Variants in DMRT1 observed in about 807,000 individuals in gnomAD.
The protein encoded by DMRT1 is doublesex and mab-3 related transcription factor 1, also known as doublesex- and mab-3-related transcription factor 1.
In DMRT1, 7 loss-of-function variants were observed where a neutral mutation model predicts 32.3. That is an observed-to-expected ratio of 0.22 (90% confidence interval 0.12 to 0.41). The LOEUF (loss-of-function observed/expected upper bound fraction) is 0.41. Ranked by LOEUF, DMRT1 falls within the 10% of genes least tolerant of loss-of-function variation. The pLI is 1.00. For synonymous variants in DMRT1, 278 were observed against 206.1 expected (o/e 1.35, Z -2.99); for missense variants, 625 against 500.5 (o/e 1.25, Z -2.37).
At chr9:873,644 T>G (rs1163768887) in intron 2 of DMRT1, among the ~76,000 whole-genome samples, 1 of 152,230 alleles carries the variant, frequency 6.6e-6, no homozygotes, top group East Asian at 1.9e-4. Flanking sequence ...TGTTCTTAGG[T>G]TATCGCTAGG....
rs892845295 is a variant in DMRT1, at chr9:842,031, G to A, written c.193G>A (p.Ala65Thr). The A allele has an allele frequency of 2.6e-6, 4 of 1,547,756 alleles. No homozygotes were observed. Among genetic ancestry groups the A allele is most frequent in the Admixed American group, 1.9e-5 (1 of 51,418 alleles). Residue 65 changes from alanine to threonine, a missense_variant, in exon 1 of 5, where the codon GCC (alanine) becomes ACC (threonine). Physicochemically the swap from Ala to Thr is moderately conservative, Grantham distance 58 (BLOSUM62 0). Coordinates refer to ENST00000382276, the MANE Select transcript of DMRT1 (RefSeq NM_021951.3). Reference sequence around the variant, plus strand: ...CGGCTCCGGGGCGTCGGACCTGGGTGCCGGGAGCAAGAAGTCCCCGCGGCT... The same window carrying A: ...CGGCTCCGGGGCGTCGGACCTGGGTACCGGGAGCAAGAAGTCCCCGCGGCT... ...GSGSGASDLG[A>T]GSKKSPRLPK...
intron 2 of DMRT1, among the ~76,000 whole-genome samples, chr9:882,234 A>G (rs538697103): frequency 3.5e-4 from 54 of 152,234 alleles, no homozygotes; most frequent in African/African-American, 1.3e-3. Context: ...TTCAGGCCCA[A>G]TTAAGTTTCT....
chr9:862,220 C>G (rs1486827721), intron 2 of DMRT1, among the ~76,000 whole-genome samples: 1 of 151,978 alleles, frequency 6.6e-6, no homozygotes, highest in African/African-American at 2.4e-5. Context: ...ACACTGAGCA[C>G]TGAGTGAGCG....
intron 2 of DMRT1, among the ~76,000 whole-genome samples, chr9:875,285 G>A (rs898247481): frequency 6.6e-6 from 1 of 152,088 alleles, no homozygotes; most frequent in Non-Finnish European, 1.5e-5. Flanking sequence ...AGTGGTTGAC[G>A]CAGTTACAGA....
chr9:901,279 A>G (rs867494580), intron 3 of DMRT1, among the ~76,000 whole-genome samples: 1 of 152,040 alleles, frequency 6.6e-6, no homozygotes, highest in Non-Finnish European at 1.5e-5. Flanking sequence ...GGCCTCCCAC[A>G]GTGCTGGGAT....
chr9:905,190 A>T (rs1817725491), intron 3 of DMRT1, among the ~76,000 whole-genome samples: 1 of 152,128 alleles, frequency 6.6e-6, no homozygotes, highest in South Asian at 2.1e-4. Flanking sequence ...TCCCCCCAGG[A>T]TGGGTTGCCC....
chr9:916,660 C>G, intron 3 of DMRT1, 103 bp from the exon 4 acceptor site: 1 of 1,431,286 alleles, frequency 7.0e-7, no homozygotes, highest in Non-Finnish European at 9.8e-7. Flanking sequence ...GCATGAGCCA[C>G]TGTGCCCAGC....
chr9:864,899 G>C (rs1815910773), intron 2 of DMRT1, among the ~76,000 whole-genome samples: 1 of 152,100 alleles, frequency 6.6e-6, no homozygotes. Context: ...TCATAGTTAT[G>C]GTTTGGAAGT....
chr9:967,058 A>C (rs908936827), intron 4 of DMRT1, among the ~76,000 whole-genome samples: 1 of 152,220 alleles, frequency 6.6e-6, no homozygotes, highest in Non-Finnish European at 1.5e-5. Context: ...ATTGGTGACA[A>C]ACTACTGCCC....
chr9:848,267 G>T lies in DMRT1; in HGVS notation c.538+1124G>T, dbSNP rs185530677. Among the ~76,000 whole-genome samples, 441 of 152,226 alleles carry T rather than the reference G, an allele frequency of 2.9e-3. 1 individual carries two copies. Among genetic ancestry groups the T allele is most frequent in the African/African-American group, 0.01 (432 of 41,538 alleles). ...TGGAGAAGTTACTTAAGCTCCCTGG[G>T]CCTTTTTTTCCTCTTGTCAAAAATG... On this transcript the variant is annotated intron_variant, in intron 2 of 4. Transcript: ENST00000382276.
At chr9:847,244 T>G in intron 2 of DMRT1, 101 bp downstream of exon 2, 1 of 1,241,134 alleles carries the variant, frequency 8.1e-7, no homozygotes, top group Non-Finnish European at 1.1e-6. Context: ...ATACAGTGTT[T>G]AGAGCTTAGA....
At chr9:870,937 C>G (rs979818710) in intron 2 of DMRT1, among the ~76,000 whole-genome samples, 1 of 150,494 alleles carries the variant, frequency 6.6e-6, no homozygotes, top group African/African-American at 2.5e-5. Flanking sequence ...TGGTTTTAAA[C>G]TCCTGGGCTC....
chr9:864,653 C>G (rs1428252174), intron 2 of DMRT1, among the ~76,000 whole-genome samples: 2 of 152,084 alleles, frequency 1.3e-5, no homozygotes, highest in South Asian at 2.1e-4. Flanking sequence ...CGCCCGCCAC[C>G]ACGCCTGGCT....
intron 4 of DMRT1, among the ~76,000 whole-genome samples, chr9:939,815 G>A (rs1455365227): frequency 2.0e-5 from 3 of 152,120 alleles, no homozygotes; most frequent in Non-Finnish European, 4.4e-5. Context: ...TCCCTCCTCT[G>A]TATGTTGTAG....
intron 4 of DMRT1, among the ~76,000 whole-genome samples, chr9:921,730 A>T (rs1818360444): frequency 1.3e-5 from 2 of 152,294 alleles, no homozygotes; most frequent in Non-Finnish European, 1.5e-5. Flanking sequence ...AAAAATAAAA[A>T]ATTAGCTGGG....
chr9:891,863 G>C (rs1817165084), intron 2 of DMRT1, among the ~76,000 whole-genome samples: 1 of 152,176 alleles, frequency 6.6e-6, no homozygotes, highest in Non-Finnish European at 1.5e-5. Flanking sequence ...TTGATGCCAA[G>C]CTACTTGAAA....
chr9:912,697 A>G (rs1207927636), intron 3 of DMRT1, among the ~76,000 whole-genome samples: 2 of 152,144 alleles, frequency 1.3e-5, no homozygotes, highest in Non-Finnish European at 2.9e-5. Context: ...TGTTTTAGTT[A>G]ATATAGGGGA....
intron 3 of DMRT1, among the ~76,000 whole-genome samples, chr9:912,744 T>C (rs750355244): frequency 3.3e-5 from 5 of 152,152 alleles, no homozygotes; most frequent in African/African-American, 4.8e-5. Context: ...ATATGGACGA[T>C]ATGTTGGTAA....
intron 3 of DMRT1, 70 bp downstream of exon 3, chr9:894,265 A>G (rs1586579797): frequency 1.3e-6 from 2 of 1,497,820 alleles, no homozygotes; most frequent in African/African-American, 1.4e-5. Context: ...ACACATGCAC[A>G]TACACACAGA....
Sources: gnomAD v4.1 joint callset for allele counts (sites outside exome capture counted in the v4.1 genomes callset) on GRCh38, gnomAD v4.1.1 for gene constraint, MANE v1.5 for transcripts, NCBI Gene and HGNC (gene_info 2026-07-23, HGNC 2026-07-21) for gene names.